CACHD1: variants seen among roughly 807,000 people sequenced by gnomAD.
CACHD1 encodes the protein VWFA and cache domain-containing protein 1.
In CACHD1, 71 loss-of-function variants were observed where a neutral mutation model predicts 138.7. The ratio of observed to expected loss-of-function variants is 0.51; its 90% CI spans 0.42 to 0.62. The LOEUF is 0.62. Ranked by LOEUF, CACHD1 falls within the 20% of genes least tolerant of loss-of-function variation. The pLI is 0.00. For synonymous variants in CACHD1, 578 were observed against 591.5 expected, an observed-to-expected ratio of 0.98 and a Z score of 0.33; for missense variants, 1,389 against 1,625.3, an observed-to-expected ratio of 0.85 and a Z score of 2.50.
chr1:64,656,973 C>T (rs1004949436), intron 12 of CACHD1, among the ~76,000 whole-genome samples: 10 of 152,136 alleles, frequency 6.6e-5, no homozygotes, highest in Admixed American at 2.6e-4. Context: ...AACTGCTTAG[C>T]ACTCATAGAT....
chr1:64,581,512 T>C (rs1294014218), intron 2 of CACHD1, among the ~76,000 whole-genome samples: 1 of 152,210 alleles, frequency 6.6e-6, no homozygotes, highest in Non-Finnish European at 1.5e-5. Flanking sequence ...AAGTAAATCA[T>C]GATGAAGTGT....
chr1:64,647,953 G>C lies in CACHD1; in HGVS notation c.1309G>C (p.Gly437Arg), dbSNP rs1042789276. Residue 437 changes from glycine to arginine, a missense_variant, in exon 9 of 27, where the codon GGC becomes CGC. Physicochemically the swap from Gly to Arg is moderately radical, Grantham distance 125. Transcript: ENST00000651257. ...NQLSNLETTVGRFYTNLPNRM... is the reference protein window; with the variant it reads ...NQLSNLETTVRRFYTNLPNRM... ...GTTGAGCAACCTGGAGACCACAGTG[G>C]GCAGGTTCTACACAAACCTTCCCAA... 6.2e-7 allele frequency: 1 copy of C among 1,613,998 alleles called. No individual in the cohort carries two copies. Among genetic ancestry groups the C allele is most frequent in the South Asian group, 1.1e-5 (1 of 91,064 alleles).
chr1:64,491,816 T>C (rs1187317936), intron 1 of CACHD1, among the ~76,000 whole-genome samples: 1 of 152,156 alleles, frequency 6.6e-6, no homozygotes, highest in Non-Finnish European at 1.5e-5. Context: ...AGCCAGGGTC[T>C]TACTGTCTTG....
chr1:64,681,239 T>A lies in CACHD1; in HGVS notation c.3407-19T>A, dbSNP rs546322624. The A allele has an allele frequency of 6.3e-7, 1 of 1,598,902 alleles. No homozygotes were observed. The highest frequency in any genetic ancestry group is 1.3e-5 in the African/African-American group (1 of 74,740). On this transcript the variant is annotated intron_variant, in intron 24 of 26. Coordinates refer to ENST00000651257, the MANE Select transcript of CACHD1 (RefSeq NM_020925.4). ...GTTTGATTAAATAGTCATGTTTCTC[T>A]CTTTTTAATGATGGGTAGAAATGTC...
At chr1:64,594,232 C>T (rs1378482969) in intron 3 of CACHD1, among the ~76,000 whole-genome samples, 1 of 138,480 alleles carries the variant, frequency 7.2e-6, no homozygotes, top group Non-Finnish European at 1.5e-5. Context: ...CCAGCCTGGG[C>T]AGCAAGAGCA....
chr1:64,580,005 G>C (rs537409046), intron 2 of CACHD1: 1 of 152,332 alleles, frequency 6.6e-6, no homozygotes, highest in South Asian at 2.1e-4. Context: ...TTCAAGCTGG[G>C]CCTATTGCTC....
chr1:64,584,245 G>A (rs1246672408), intron 3 of CACHD1, among the ~76,000 whole-genome samples: 1 of 152,178 alleles, frequency 6.6e-6, no homozygotes, highest in Non-Finnish European at 1.5e-5. Context: ...CATCTCGTGA[G>A]TAGAGTCCAG....
intron 3 of CACHD1, among the ~76,000 whole-genome samples, chr1:64,595,782 A>G (rs1647145949): frequency 6.6e-6 from 1 of 152,216 alleles, no homozygotes. Flanking sequence ...CCTTCTCTCC[A>G]TAATCTGTTG....
chr1:64,525,625 G>A (rs1275511069), intron 1 of CACHD1, among the ~76,000 whole-genome samples: 3 of 152,126 alleles, frequency 2.0e-5, no homozygotes, highest in African/African-American at 7.2e-5. Context: ...GGACTGGGTG[G>A]CATTTCAGTA....
chr1:64,673,146 G>GT lies in CACHD1; in HGVS notation c.2511-8dup. ...CTGATATGAATGAGGGGCATAACTTGTTTTGGTACAGGTGCTTCATAATGG... is the reference window on the plus strand; with the variant it reads ...CTGATATGAATGAGGGGCATAACTTGTTTTTGGTACAGGTGCTTCATAATGG... On this transcript the variant is annotated splice_polypyrimidine_tract_variant and intron_variant, in intron 17 of 26. Coordinates refer to ENST00000651257, the MANE Select transcript of CACHD1 (RefSeq NM_020925.4). The GT allele has an allele frequency of 6.2e-7, 1 of 1,604,610 alleles. No individual in the cohort carries two copies. The highest frequency in any genetic ancestry group is 8.5e-7 in the Non-Finnish European group (1 of 1,173,522).
chr1:64,499,544 A>G (rs1168066923), intron 1 of CACHD1, among the ~76,000 whole-genome samples: 8 of 152,260 alleles, frequency 5.3e-5, no homozygotes, highest in Non-Finnish European at 7.3e-5. Flanking sequence ...GCTCCGCAGA[A>G]TTCAAGGAGT....
At chr1:64,637,467 T>A (rs570933169) in intron 7 of CACHD1, among the ~76,000 whole-genome samples, 4 of 152,326 alleles carry the variant, frequency 2.6e-5, no homozygotes, top group African/African-American at 9.6e-5. Flanking sequence ...TTTTCAAATG[T>A]TGACATTTGT....
In CACHD1 at chr1:64,569,796, G is replaced by A. The variant is rs559085358; in HGVS notation, c.262-12360G>A. Among the ~76,000 whole-genome samples the A allele has an allele frequency of 6.8e-4, 104 of 152,004 alleles. 1 individual carries two copies. Among genetic ancestry groups the A allele is most frequent in the Non-Finnish European group, 1.1e-3 (72 of 67,990 alleles). On this transcript the variant is annotated intron_variant, in intron 2 of 26. Transcript: ENST00000651257. ...TGGATCTGGGCTTTTTACTCAAATAGTCAAACTTCATTTAACTAGAAGGGA... is the reference window on the plus strand; with the variant it reads ...TGGATCTGGGCTTTTTACTCAAATAATCAAACTTCATTTAACTAGAAGGGA...
chr1:64,688,178 TG>T (rs1650427094), intron 26 of CACHD1, among the ~76,000 whole-genome samples: 1 of 152,074 alleles, frequency 6.6e-6, no homozygotes, highest in African/African-American at 2.4e-5. Flanking sequence ...AGTTAGTGTG[TG>T]GGTGCTTGTA....
At chr1:64,653,326 C>T (rs143206910) in intron 10 of CACHD1, among the ~76,000 whole-genome samples, 52 of 150,176 alleles carry the variant, frequency 3.5e-4, no homozygotes, top group Non-Finnish European at 6.2e-4. Flanking sequence ...AACAAACCCC[C>T]GTGACACAAG....
At chr1:64,493,007 A>G (rs1646287330) in intron 1 of CACHD1, among the ~76,000 whole-genome samples, 1 of 152,238 alleles carries the variant, frequency 6.6e-6, no homozygotes, top group African/African-American at 2.4e-5. Flanking sequence ...GAAGGAATGA[A>G]TGAATGAATT....
At chr1:64,686,195 T>C (rs1361723465) in intron 26 of CACHD1, among the ~76,000 whole-genome samples, 13 of 152,196 alleles carry the variant, frequency 8.5e-5, no homozygotes. Context: ...CTGATAAGCG[T>C]ATTTCCATGT....
At chr1:64,473,042 C>T (rs1222418894) in intron 1 of CACHD1, among the ~76,000 whole-genome samples, 5 of 152,094 alleles carry the variant, frequency 3.3e-5, no homozygotes, top group Non-Finnish European at 5.9e-5. Flanking sequence ...AAAGACACTT[C>T]GAAAAAAAGC....
chr1:64,498,866 C>T (rs140813843), intron 1 of CACHD1, among the ~76,000 whole-genome samples: 3 of 152,308 alleles, frequency 2.0e-5, no homozygotes, highest in African/African-American at 2.4e-5. Context: ...GTGCAATAAT[C>T]GTGTGCTTAA....
Sources: gnomAD v4.1 joint callset for allele counts (sites outside exome capture counted in the v4.1 genomes callset) on GRCh38, gnomAD v4.1.1 for gene constraint, MANE v1.5 for transcripts, NCBI Gene and HGNC (gene_info 2026-07-23, HGNC 2026-07-21) for gene names.